RAB1A: variants seen among roughly 807,000 people sequenced by gnomAD.
The protein encoded by RAB1A is RAB1A, member RAS oncogene family, also known as ras-related protein Rab-1A.
A neutral mutation model predicts 26.0 loss-of-function variants in RAB1A; 2 were observed. That is an observed-to-expected ratio of 0.08 (90% CI 0.03 to 0.24). RAB1A has a LOEUF of 0.24. RAB1A is among the 10% of genes least tolerant of loss of function. The pLI is 1.00. For synonymous variants in RAB1A, 84 were observed against 84.9 expected, an observed-to-expected ratio of 0.99 and a Z score of 0.06; for missense variants, 100 against 247.0, an observed-to-expected ratio of 0.40 and a Z score of 3.99.
rs1669125319 is a variant in RAB1A, at chr2:65,089,726, A to G, written c.289-656T>C. ...AATTTTTTTTTTTTTTTTTTGAGAC[A>G]AAGTCTTGTTCTGTCATCCAGGCTG... On this transcript the variant is annotated intron_variant, in intron 4 of 5. Coordinates refer to ENST00000409784, the MANE Select transcript of RAB1A (RefSeq NM_004161.5). Among the ~76,000 whole-genome samples the G allele has an allele frequency of 2.5e-5, 3 of 118,122 alleles. No homozygotes were observed. In the Admixed American group the frequency reaches 2.6e-4, roughly 10 times the overall value. The allele number at this position is 118,122 out of a possible 152,430, so 77.5% of individuals were successfully genotyped here. A position where few individuals can be genotyped will look rare whatever the true frequency, so the allele number is the denominator to read the frequency against.
At chr2:65,104,639 T>C in intron 2 of RAB1A, 95 bp downstream of exon 2, 1 of 937,420 alleles carries the variant, frequency 1.1e-6, no homozygotes, top group Non-Finnish European at 1.6e-6. Context: ...AGAATTAACT[T>C]ATTCTGAATA....
At position 65,103,299 on chromosome 2, in the gene RAB1A, C is replaced by CCAAAAAAAAAAAAAA. The variant is rs1280376062; in HGVS notation, c.96+1434_96+1435insTTTTTTTTTTTTTTG. On this transcript the variant is annotated intron_variant, in intron 2 of 5. Coordinates refer to ENST00000409784, the MANE Select transcript of RAB1A (RefSeq NM_004161.5). Reference sequence around the variant, plus strand: ...TTGGCAACACAGCCAGAATCTGTCTCAAAAAAAAAAAAAAACATTGTTTTA... The same window carrying CCAAAAAAAAAAAAAA: ...TTGGCAACACAGCCAGAATCTGTCTCCAAAAAAAAAAAAAAAAAAAAAAAAAAAAACATTGTTTTA... Among the ~76,000 whole-genome samples, 33 of 44,104 alleles carry CCAAAAAAAAAAAAAA rather than the reference C, an allele frequency of 7.5e-4. 1 individual carries two copies. Among genetic ancestry groups the CCAAAAAAAAAAAAAA allele is most frequent in the African/African-American group, 2.5e-3 (32 of 12,930 alleles). The allele number at this position is 44,104 out of a possible 152,430, so 28.9% of individuals were successfully genotyped here.
At chr2:65,119,369 T>C (rs1669900119) in intron 1 of RAB1A, among the ~76,000 whole-genome samples, 1 of 151,756 alleles carries the variant, frequency 6.6e-6, no homozygotes, top group Admixed American at 6.6e-5. Context: ...TAGCCGGGCA[T>C]GGTGGTGGGT....
chr2:65,121,100 AT>A lies in RAB1A; in HGVS notation c.23+8792del, dbSNP rs1255132451. On this transcript the variant is annotated intron_variant, in intron 1 of 5. Coordinates refer to ENST00000409784, the MANE Select transcript of RAB1A (RefSeq NM_004161.5). Reference sequence around the variant, plus strand: ...GCGACATCTCATCTCTTAAAAAAAAATTAGCCAGGCATGGTGCCAGTTACTC... The same window carrying A: ...GCGACATCTCATCTCTTAAAAAAAAATAGCCAGGCATGGTGCCAGTTACTC... 3.3e-5 allele frequency among the ~76,000 whole-genome samples: 5 copies of A among 152,030 alleles called. No individual in the cohort carries two copies. The East Asian group carries it at 7.7e-4, about 24-fold the overall frequency.
chr2:65,109,208 T>C (rs1669638562), intron 1 of RAB1A, among the ~76,000 whole-genome samples: 1 of 152,220 alleles, frequency 6.6e-6, no homozygotes, highest in Non-Finnish European at 1.5e-5. Context: ...AGTAAAAATG[T>C]TGATAGAAAA....
At chr2:65,101,837 C>T (rs1669439003) in intron 2 of RAB1A, among the ~76,000 whole-genome samples, 1 of 150,566 alleles carries the variant, frequency 6.6e-6, no homozygotes, top group African/African-American at 2.5e-5. Context: ...ACAACCTCCG[C>T]CTCCTGGGTT....
At chr2:65,109,822 T>C (rs1669652744) in intron 1 of RAB1A, among the ~76,000 whole-genome samples, 1 of 152,206 alleles carries the variant, frequency 6.6e-6, no homozygotes, top group South Asian at 2.1e-4. Flanking sequence ...GAACTTCCTC[T>C]AGCTTTTTGT....
At chr2:65,101,741 C>CTTTTT (rs1558579506) in intron 2 of RAB1A, among the ~76,000 whole-genome samples, 3 of 129,958 alleles carry the variant, frequency 2.3e-5, no homozygotes, top group Non-Finnish European at 3.2e-5. Context: ...TGTATTACTT[C>CTTTTT]CTTTTTTTTT....
At chr2:65,110,706 G>A (rs929358554) in intron 1 of RAB1A, among the ~76,000 whole-genome samples, 3 of 152,060 alleles carry the variant, frequency 2.0e-5, no homozygotes, top group African/African-American at 7.2e-5. Flanking sequence ...GGCTGAGGTA[G>A]AAGGATCACA....
At chr2:65,128,702 A>G (rs954713924) in intron 1 of RAB1A, among the ~76,000 whole-genome samples, 1 of 152,204 alleles carries the variant, frequency 6.6e-6, no homozygotes, top group East Asian at 1.9e-4. Context: ...GCAGTAATTG[A>G]CCAAACCAGC....
intron 3 of RAB1A, among the ~76,000 whole-genome samples, chr2:65,095,314 G>A (rs1298812170): frequency 6.6e-6 from 1 of 151,950 alleles, no homozygotes; most frequent in Non-Finnish European, 1.5e-5. Flanking sequence ...AGGACTATAA[G>A]CGTGAACCAC....
intron 1 of RAB1A, among the ~76,000 whole-genome samples, chr2:65,117,597 C>G (rs1669854402): frequency 6.6e-6 from 1 of 152,136 alleles, no homozygotes. Flanking sequence ...GATAGGCTCT[C>G]ACTCTGTCAC....
intron 1 of RAB1A, among the ~76,000 whole-genome samples, chr2:65,108,354 C>G (rs1418734914): frequency 2.0e-5 from 1 of 50,182 alleles, no homozygotes; most frequent in Non-Finnish European, 4.0e-5. Context: ...AAAACTCCAT[C>G]TCAAAAAAAA....
chr2:65,103,304 A>AAAAAAAAAAAAAAAAAAAAAAAC (rs757626011), intron 2 of RAB1A, among the ~76,000 whole-genome samples: 39 of 112,460 alleles, frequency 3.5e-4, no homozygotes, highest in African/African-American at 9.6e-4. Context: ...TGTCTCAAAA[A>AAAAAAAAAAAAAAAAAAAAAAAC]AAAAAAAAAA....
chr2:65,120,596 T>C (rs1355266761), intron 1 of RAB1A, among the ~76,000 whole-genome samples: 1 of 152,016 alleles, frequency 6.6e-6, no homozygotes, highest in African/African-American at 2.4e-5. Flanking sequence ...ATCTCCTAAA[T>C]CAAGTATTCT....
chr2:65,109,143 A>G (rs542266690), intron 1 of RAB1A, among the ~76,000 whole-genome samples: 5 of 152,342 alleles, frequency 3.3e-5, no homozygotes, highest in Admixed American at 1.3e-4. Context: ...ATTCGTGAGA[A>G]TTCATTGTTC....
intron 2 of RAB1A, among the ~76,000 whole-genome samples, chr2:65,098,836 CTT>C (rs70943624): frequency 3.9e-5 from 4 of 103,374 alleles, no homozygotes; most frequent in Admixed American, 1.2e-4. Context: ...AACAGTACTT[CTT>C]TTTTTTTTTT....
chr2:65,121,297 C>G (rs948857312), intron 1 of RAB1A, among the ~76,000 whole-genome samples: 3 of 150,896 alleles, frequency 2.0e-5, no homozygotes, highest in African/African-American at 7.3e-5. Context: ...TAAATAGCAC[C>G]TAGTATTATT....
At chr2:65,089,917 AG>A (rs1669131507) in intron 4 of RAB1A, among the ~76,000 whole-genome samples, 1 of 152,102 alleles carries the variant, frequency 6.6e-6, no homozygotes, top group African/African-American at 2.4e-5. Context: ...TGGCGAGGCT[AG>A]TCTCTAACTC....
Sources: allele counts gnomAD v4.1 joint callset (sites outside exome capture counted in the v4.1 genomes callset), GRCh38; gene constraint gnomAD v4.1.1; transcripts MANE v1.5; gene names NCBI Gene and HGNC (gene_info 2026-07-23, HGNC 2026-07-21).